PI4KB: variants seen among roughly 807,000 people sequenced by gnomAD.
PI4KB encodes phosphatidylinositol 4-kinase beta.
In PI4KB, 23 loss-of-function variants were observed where a neutral mutation model predicts 81.4. The ratio of observed to expected loss-of-function variants is 0.28; its 90% confidence interval spans 0.20 to 0.40. The LOEUF (loss-of-function observed/expected upper bound fraction) is 0.40, where lower values mean the gene tolerates loss of function less well. Among genes scored for constraint, PI4KB ranks in the 10% least tolerant of loss-of-function variants. The pLI, the probability that PI4KB is intolerant of heterozygous loss-of-function variation, is 1.00. For synonymous variants in PI4KB, 381 were observed against 406.8 expected (o/e 0.94, Z 0.76); for missense variants, 651 against 1,036.6 (o/e 0.63, Z 5.11).
intron 2 of PI4KB, among the ~76,000 whole-genome samples, chr1:151,313,384 C>A (rs1023447235): frequency 1.3e-5 from 2 of 152,118 alleles, no homozygotes; most frequent in African/African-American, 2.4e-5. Flanking sequence ...CAGTGCCATC[C>A]ATAATCTTAT....
intron 9 of PI4KB, among the ~76,000 whole-genome samples, chr1:151,297,394 TAC>T (rs377756265): frequency 0.58 from 86,359 of 148,492 alleles, 26,018 homozygotes; most frequent in Non-Finnish European, 0.65. Flanking sequence ...CAGACTAAAG[TAC>T]TGTGGCATGA....
chr1:151,294,206 G>A, intron 10 of PI4KB, 68 bp from the exon 11 acceptor site: 1 of 1,556,282 alleles, frequency 6.4e-7, no homozygotes, highest in South Asian at 1.2e-5. Context: ...GTCCTGACTG[G>A]CCTACCAGAA....
intron 1 of PI4KB, among the ~76,000 whole-genome samples, chr1:151,323,708 A>C (rs1485703557): frequency 1.3e-5 from 2 of 152,168 alleles, no homozygotes; most frequent in Non-Finnish European, 2.9e-5. Context: ...TGGGCGACAG[A>C]ACGAGACTCC....
chr1:151,299,188 T>C (rs1189638838), intron 8 of PI4KB, 115 bp from the exon 9 acceptor site: 1 of 942,974 alleles, frequency 1.1e-6, no homozygotes, highest in Non-Finnish European at 1.6e-6. Context: ...TTCTAAGCCA[T>C]CAAATGAGTA....
intron 8 of PI4KB, among the ~76,000 whole-genome samples, chr1:151,301,359 G>T (rs943733252): frequency 1.3e-5 from 2 of 152,018 alleles, no homozygotes; most frequent in South Asian, 2.1e-4. Context: ...GGGATTACAG[G>T]TGCCCATCAC....
intron 9 of PI4KB, among the ~76,000 whole-genome samples, chr1:151,295,988 G>A (rs1178988513): frequency 2.0e-5 from 3 of 152,220 alleles, no homozygotes; most frequent in Non-Finnish European, 4.4e-5. Flanking sequence ...GCTCACGCCT[G>A]TAATCCCAGC....
intron 5 of PI4KB, 138 bp from the exon 6 acceptor site, chr1:151,303,788 C>G (rs1248087605): frequency 7.7e-6 from 5 of 650,510 alleles, no homozygotes; most frequent in Non-Finnish European, 1.4e-5. Context: ...GTTACTGGGA[C>G]CCCAGGCTGC....
chr1:151,294,576 TAGTC>T (rs751492390), intron 9 of PI4KB, 35 bp from the exon 10 acceptor site: 3 of 1,611,286 alleles, frequency 1.9e-6, no homozygotes, highest in Non-Finnish European at 1.7e-6. Flanking sequence ...GAAGAGGCAG[TAGTC>T]AGTCTGACTG....
At chr1:151,302,577 CTT>C (rs144203698) in intron 6 of PI4KB, among the ~76,000 whole-genome samples, 30 of 133,726 alleles carry the variant, frequency 2.2e-4, no homozygotes, top group Admixed American at 2.3e-4. Flanking sequence ...CTTTTCTTTT[CTT>C]TTTTTTTTTT....
chr1:151,298,344 G>A (rs1308173548), intron 9 of PI4KB: 2 of 178,414 alleles, frequency 1.1e-5, no homozygotes, highest in Non-Finnish European at 2.4e-5. Flanking sequence ...AATCAACACA[G>A]ACTGGATCAT....
chr1:151,308,658 G>A (rs2101966425), intron 3 of PI4KB, among the ~76,000 whole-genome samples: 1 of 152,254 alleles, frequency 6.6e-6, no homozygotes, highest in African/African-American at 2.4e-5. Context: ...CTCAGAAAGA[G>A]CAAAGTTGGT....
intron 2 of PI4KB, among the ~76,000 whole-genome samples, chr1:151,312,965 C>T (rs1175503352): frequency 6.6e-6 from 1 of 152,154 alleles, no homozygotes; most frequent in Non-Finnish European, 1.5e-5. Flanking sequence ...CTACAGTGAG[C>T]TATGACTGTG....
intron 5 of PI4KB, among the ~76,000 whole-genome samples, chr1:151,304,790 C>T (rs750003782): frequency 2.0e-5 from 3 of 150,534 alleles, no homozygotes; most frequent in Admixed American, 6.6e-5. Flanking sequence ...ACTTGCCTCC[C>T]GAGTAGCTGG....
At chr1:151,313,076 A>G (rs935813364) in intron 2 of PI4KB, among the ~76,000 whole-genome samples, 1 of 152,102 alleles carries the variant, frequency 6.6e-6, no homozygotes, top group Non-Finnish European at 1.5e-5. Flanking sequence ...GGAAGGAAGG[A>G]AGGAAGGACG....
In PI4KB at chr1:151,307,749, C is replaced by T; in HGVS notation, c.1007G>A (p.Gly336Asp). 1 of 1,614,134 alleles carries T rather than the reference C, an allele frequency of 6.2e-7. No individual in the cohort carries two copies. Among genetic ancestry groups the T allele is most frequent in the Non-Finnish European group, 8.5e-7 (1 of 1,180,020 alleles). Residue 336 changes from glycine (G) to aspartate (D), a missense_variant, in exon 4 of 12, where the codon GGC (glycine) becomes GAC (aspartate). Gly to Asp is a moderately conservative substitution (Grantham distance 94). Transcript: ENST00000368873. Reference protein sequence around the residue: ...REFIKSLMAIGKRLATLPTKE... With the variant: ...REFIKSLMAIDKRLATLPTKE... ...GGTGGGGAGCGTGGCCAGCCGCTTG[C>T]CGATCGCCATCAGGGACTTGATGAA...
intron 1 of PI4KB, among the ~76,000 whole-genome samples, chr1:151,317,141 T>TC (rs1487547556): frequency 6.9e-6 from 1 of 145,878 alleles, no homozygotes; most frequent in African/African-American, 2.5e-5. Context: ...TACAAATTCT[T>TC]TTTTTTTTTT....
At chr1:151,317,870 A>AG (rs1648203982) in intron 1 of PI4KB, among the ~76,000 whole-genome samples, 1 of 151,676 alleles carries the variant, frequency 6.6e-6, no homozygotes, top group Non-Finnish European at 1.5e-5. Context: ...GTGCAGTGGC[A>AG]TGATCATAGC....
At chr1:151,303,352 G>C (rs1309661179) in intron 6 of PI4KB, 189 bp downstream of exon 6, 2 of 587,856 alleles carry the variant, frequency 3.4e-6, no homozygotes, top group Admixed American at 2.9e-5. Context: ...TTCCTTCTTT[G>C]GTAGCCCAAG....
At chr1:151,293,899 T>A in intron 11 of PI4KB, 119 bp downstream of exon 11, 1 of 1,132,560 alleles carries the variant, frequency 8.8e-7, no homozygotes, top group South Asian at 1.5e-5. Flanking sequence ...AGCTAGAAAC[T>A]CTCTGGGAAC....
Sources: gnomAD v4.1 joint callset for allele counts (sites outside exome capture counted in the v4.1 genomes callset) on GRCh38, gnomAD v4.1.1 for gene constraint, MANE v1.5 for transcripts, NCBI Gene and HGNC (gene_info 2026-07-23, HGNC 2026-07-21) for gene names.